Variants in NLGN1 observed in about 807,000 individuals in gnomAD.
NLGN1 encodes neuroligin 1, also known as neuroligin-1.
NLGN1 carries 12 observed loss-of-function variants against 65.5 expected under a neutral mutation model. The ratio of observed to expected loss-of-function variants is 0.18; its 90% CI spans 0.12 to 0.30. NLGN1 has a LOEUF of 0.30. NLGN1 is among the 10% of genes least tolerant of loss of function. The pLI is 1.00. For synonymous variants in NLGN1, 350 were observed against 359.5 expected (o/e 0.97, Z 0.30); for missense variants, 750 against 1,007.1 (o/e 0.74, Z 3.46).
At chr3:173,519,805 A>G (rs1734463456) in intron 2 of NLGN1, among the ~76,000 whole-genome samples, 2 of 152,058 alleles carry the variant, frequency 1.3e-5, no homozygotes, top group Admixed American at 1.3e-4. Flanking sequence ...GAATGAGTCA[A>G]GACTTTTGGG....
intron 4 of NLGN1, among the ~76,000 whole-genome samples, chr3:174,137,301 T>G (rs557416164): frequency 6.6e-6 from 1 of 152,258 alleles, no homozygotes; most frequent in South Asian, 2.1e-4. Context: ...GTCTAAATAT[T>G]TATTTCAACC....
At chr3:173,980,061 T>G (rs756625423) in intron 4 of NLGN1, among the ~76,000 whole-genome samples, 2 of 152,106 alleles carry the variant, frequency 1.3e-5, no homozygotes, top group African/African-American at 2.4e-5. Context: ...GCATGGTGTT[T>G]CCCTTGTTTA....
chr3:173,446,295 A>G (rs1296389020), intron 2 of NLGN1, among the ~76,000 whole-genome samples: 1 of 148,928 alleles, frequency 6.7e-6, no homozygotes, highest in Non-Finnish European at 1.5e-5. Flanking sequence ...ATTCCCACCT[A>G]TGAGTGAGAA....
Position 174,003,218 on chromosome 3 carries a change from G to T in NLGN1, c.646+195386G>T, listed in dbSNP as rs74946259. ...ATAATATCAGAGGGGCTATGGACTT[G>T]CAAGAAAGTGACTATTGCAAAGGTT... On this transcript the variant is annotated intron_variant, in intron 4 of 6. Transcript: ENST00000457714. Among the ~76,000 whole-genome samples the T allele has an allele frequency of 9.8e-3, 1,494 of 152,266 alleles. 10 individuals are homozygous for T. The highest frequency in any genetic ancestry group is 0.034 in the Middle Eastern group (10 of 294).
At chr3:173,794,052 G>A (rs1713425101) in intron 3 of NLGN1, among the ~76,000 whole-genome samples, 1 of 151,794 alleles carries the variant, frequency 6.6e-6, no homozygotes, top group Non-Finnish European at 1.5e-5. Context: ...CTCTTTTGGG[G>A]CCTTTCTATG....
intron 3 of NLGN1, among the ~76,000 whole-genome samples, chr3:173,788,612 C>A (rs780866570): frequency 1.3e-5 from 2 of 151,632 alleles, no homozygotes; most frequent in African/African-American, 4.8e-5. Context: ...AAGTAACTGA[C>A]CAAAAGTCTA....
chr3:173,665,591 C>T (rs1014396910), intron 3 of NLGN1, among the ~76,000 whole-genome samples: 1 of 152,038 alleles, frequency 6.6e-6, no homozygotes, highest in Non-Finnish European at 1.5e-5. Context: ...TGAGGAATCT[C>T]GCATGTGTAA....
intron 4 of NLGN1, among the ~76,000 whole-genome samples, chr3:174,231,734 C>A (rs565473267): frequency 2.6e-5 from 4 of 152,264 alleles, no homozygotes; most frequent in Non-Finnish European, 2.9e-5. Context: ...AGCCCAGAAT[C>A]TTAGCCTGGC....
intron 4 of NLGN1, among the ~76,000 whole-genome samples, chr3:173,973,189 A>ACAAATGTG (rs1716665141): frequency 6.6e-6 from 1 of 152,140 alleles, no homozygotes; most frequent in Non-Finnish European, 1.5e-5. Flanking sequence ...ATAATAATTA[A>ACAAATGTG]CAAATGTGTA....
intron 3 of NLGN1, among the ~76,000 whole-genome samples, chr3:173,807,308 T>A (rs796542619): frequency 6.6e-5 from 10 of 152,258 alleles, no homozygotes; most frequent in African/African-American, 2.4e-4. Context: ...TGGCTCATAA[T>A]GTCATGTGAA....
chr3:173,521,590 C>T (rs1179754831), intron 2 of NLGN1, among the ~76,000 whole-genome samples: 1 of 152,148 alleles, frequency 6.6e-6, no homozygotes, highest in Non-Finnish European at 1.5e-5. Context: ...TTCTGATCCT[C>T]CTAGTTATAT....
At chr3:174,183,345 C>T (rs955459889) in intron 4 of NLGN1, among the ~76,000 whole-genome samples, 1 of 152,088 alleles carries the variant, frequency 6.6e-6, no homozygotes, top group African/African-American at 2.4e-5. Flanking sequence ...CCCAAGAGAG[C>T]CCCTATTTTG....
intron 2 of NLGN1, among the ~76,000 whole-genome samples, chr3:173,538,521 T>A (rs910858652): frequency 6.6e-6 from 1 of 152,174 alleles, no homozygotes; most frequent in African/African-American, 2.4e-5. Context: ...CCAGGGTAAA[T>A]GTATATTTCA....
intron 4 of NLGN1, among the ~76,000 whole-genome samples, chr3:173,832,499 G>T (rs1722799975): frequency 6.6e-6 from 1 of 152,120 alleles, no homozygotes; most frequent in Non-Finnish European, 1.5e-5. Flanking sequence ...TCTTTAATTG[G>T]GGGAGGATGT....
chr3:173,721,544 TATA>T (rs1770839474), intron 3 of NLGN1, among the ~76,000 whole-genome samples: 1 of 152,212 alleles, frequency 6.6e-6, no homozygotes, highest in Non-Finnish European at 1.5e-5. Context: ...TAACACTAAT[TATA>T]ATAATGTCTT....
At chr3:173,999,109 G>A (rs1013442865) in intron 4 of NLGN1, among the ~76,000 whole-genome samples, 1 of 152,130 alleles carries the variant, frequency 6.6e-6, no homozygotes, top group Non-Finnish European at 1.5e-5. Context: ...ATCTCTAGAA[G>A]GACAGTGAAA....
At chr3:173,497,859 T>C (rs1338594797) in intron 2 of NLGN1, among the ~76,000 whole-genome samples, 4 of 151,890 alleles carry the variant, frequency 2.6e-5, no homozygotes, top group Non-Finnish European at 4.4e-5. Context: ...TCTAGAAAAA[T>C]AGTCTGCATA....
intron 1 of NLGN1, among the ~76,000 whole-genome samples, chr3:173,404,404 G>T (rs1718243569): frequency 6.6e-6 from 1 of 152,062 alleles, no homozygotes; most frequent in African/African-American, 2.4e-5. Context: ...CTATTTTCAG[G>T]CTCCATGCCT....
intron 3 of NLGN1, among the ~76,000 whole-genome samples, chr3:173,799,118 C>T (rs1442259818): frequency 5.3e-5 from 8 of 151,876 alleles, no homozygotes; most frequent in Admixed American, 5.3e-4. Context: ...GTCTCTTTTT[C>T]CCTCCCTTTT....
Sources: allele counts gnomAD v4.1 joint callset (sites outside exome capture counted in the v4.1 genomes callset), GRCh38; gene constraint gnomAD v4.1.1; transcripts MANE v1.5; gene names NCBI Gene and HGNC (gene_info 2026-07-23, HGNC 2026-07-21).